ST7: variants seen among roughly 807,000 people sequenced by gnomAD.
ST7 encodes the protein suppressor of tumorigenicity 7 protein.
A neutral mutation model predicts 78.7 loss-of-function variants in ST7; 28 were observed. The ratio of observed to expected loss-of-function variants is 0.36; its 90% CI spans 0.26 to 0.49. The LOEUF (loss-of-function observed/expected upper bound fraction) is 0.49. ST7 is among the 20% of genes least tolerant of loss of function. ST7 has a pLI of 0.99. For synonymous variants in ST7, 247 were observed against 249.6 expected (o/e 0.99, Z 0.10); for missense variants, 418 against 696.0 (o/e 0.60, Z 4.49).
At chr7:117,198,041 G>C (rs1377239235) in intron 12 of ST7, among the ~76,000 whole-genome samples, 1 of 152,136 alleles carries the variant, frequency 6.6e-6, no homozygotes, top group Non-Finnish European at 1.5e-5. Flanking sequence ...GACAGAAAGA[G>C]ACTTTGTCTC....
intron 1 of ST7, among the ~76,000 whole-genome samples, chr7:117,013,991 C>A (rs1316615196): frequency 1.3e-5 from 2 of 152,106 alleles, no homozygotes; most frequent in African/African-American, 4.8e-5. Flanking sequence ...TTTATAATTT[C>A]TTTTGGAGAA....
chr7:117,177,239 T>A (rs745319791), intron 10 of ST7, among the ~76,000 whole-genome samples: 6 of 152,188 alleles, frequency 3.9e-5, no homozygotes, highest in African/African-American at 1.4e-4. Flanking sequence ...AACTATATAT[T>A]GCATTGAGCA....
intron 9 of ST7, among the ~76,000 whole-genome samples, chr7:117,150,234 A>G (rs1806144959): frequency 6.6e-6 from 1 of 152,098 alleles, no homozygotes; most frequent in African/African-American, 2.4e-5. Flanking sequence ...TCTGTGCCTC[A>G]TGCCTTCAAG....
At chr7:117,133,319 A>G (rs1193868478) in intron 6 of ST7, among the ~76,000 whole-genome samples, 1 of 151,552 alleles carries the variant, frequency 6.6e-6, no homozygotes, top group Non-Finnish European at 1.5e-5. Flanking sequence ...CCTGCCTACA[A>G]GGTCTTTCGG....
At chr7:117,133,271 T>C (rs998978774) in intron 6 of ST7, among the ~76,000 whole-genome samples, 10 of 151,974 alleles carry the variant, frequency 6.6e-5, no homozygotes, top group Admixed American at 1.3e-4. Flanking sequence ...CTCCATTCTT[T>C]GTGATTCCTC....
chr7:116,988,102 G>A (rs572985560), intron 1 of ST7, among the ~76,000 whole-genome samples: 2 of 152,286 alleles, frequency 1.3e-5, no homozygotes, highest in South Asian at 4.2e-4. Flanking sequence ...GCTAGTTCAG[G>A]AGTACTGGCT....
Position 117,121,907 on chromosome 7 carries a change from C to T in ST7, c.394+2187C>T, listed in dbSNP as rs1334434597. 5.3e-5 allele frequency among the ~76,000 whole-genome samples: 7 copies of T among 131,182 alleles called. 1 individual carries two copies. Among genetic ancestry groups the T allele is most frequent in the Admixed American group, 2.4e-4 (3 of 12,340 alleles). 86.1% of individuals were successfully genotyped at this position (131,182 alleles called of 152,430 possible). A position where few individuals can be genotyped will look rare whatever the true frequency, so the allele number is the denominator to read the frequency against. On this transcript the variant is annotated intron_variant, in intron 3 of 15. Coordinates refer to ENST00000323984, the MANE Select transcript of ST7 (RefSeq NM_001369598.1). ...TTTTATAAGAGGAGAAAGTACAGGC[C>T]TTGCATGCACTCATGCATTGATTCA...
intron 1 of ST7, among the ~76,000 whole-genome samples, chr7:117,074,996 T>G (rs1425184336): frequency 6.6e-6 from 1 of 152,236 alleles, no homozygotes; most frequent in African/African-American, 2.4e-5. Context: ...TTAGTAGTTT[T>G]GGGTGCTGTT....
chr7:117,037,042 G>C (rs188342525), intron 1 of ST7, among the ~76,000 whole-genome samples: 8 of 152,242 alleles, frequency 5.3e-5, no homozygotes, highest in Admixed American at 3.9e-4. Flanking sequence ...AGGAATGCTG[G>C]CAATACAAGT....
chr7:116,968,331 T>TTCCTTC (rs1793244829), intron 1 of ST7: 1 of 145,590 alleles, frequency 6.9e-6, no homozygotes, highest in African/African-American at 5.8e-5. Flanking sequence ...TTCCTTCCTT[T>TTCCTTC]CCTCCCTCCC....
intron 1 of ST7, among the ~76,000 whole-genome samples, chr7:117,094,967 A>T (rs1800913114): frequency 6.6e-6 from 1 of 152,204 alleles, no homozygotes; most frequent in South Asian, 2.1e-4. Context: ...ATTAAAAGGA[A>T]CACGGCACAA....
chr7:117,095,625 T>A (rs553676999), intron 1 of ST7, among the ~76,000 whole-genome samples: 1 of 152,330 alleles, frequency 6.6e-6, no homozygotes, highest in South Asian at 2.1e-4. Flanking sequence ...CCCAGTCAGG[T>A]CCGATGAAAA....
At chr7:117,059,514 CAT>C (rs1321286358) in intron 1 of ST7, among the ~76,000 whole-genome samples, 1 of 151,920 alleles carries the variant, frequency 6.6e-6, no homozygotes, top group Non-Finnish European at 1.5e-5. Context: ...GTGTATGTAA[CAT>C]ATGGAATTTC....
At chr7:117,169,040 T>G (rs1478516501) in intron 9 of ST7, among the ~76,000 whole-genome samples, 9 of 152,208 alleles carry the variant, frequency 5.9e-5, no homozygotes, top group Non-Finnish European at 1.5e-5. Context: ...AAGAACCTGG[T>G]TACCTTTCTT....
At chr7:117,032,671 T>C (rs545413848) in intron 1 of ST7, among the ~76,000 whole-genome samples, 36 of 152,334 alleles carry the variant, frequency 2.4e-4, no homozygotes, top group African/African-American at 8.2e-4. Context: ...CCATGTTTGA[T>C]AGAGATTGAA....
chr7:117,032,452 C>A (rs1235740791), intron 1 of ST7, among the ~76,000 whole-genome samples: 1 of 151,946 alleles, frequency 6.6e-6, no homozygotes, highest in Non-Finnish European at 1.5e-5. Flanking sequence ...GTTCTGTAGT[C>A]CTGTTGAGTT....
At chr7:117,156,691 A>C (rs1362460987) in intron 9 of ST7, among the ~76,000 whole-genome samples, 1 of 152,218 alleles carries the variant, frequency 6.6e-6, no homozygotes, top group Non-Finnish European at 1.5e-5. Flanking sequence ...GAGCAGCTGG[A>C]AAGGCAAGAG....
chr7:117,106,797 T>A (rs1376793596), intron 2 of ST7, among the ~76,000 whole-genome samples: 1 of 151,922 alleles, frequency 6.6e-6, no homozygotes, highest in Non-Finnish European at 1.5e-5. Context: ...ATTTTTTGTA[T>A]TTTTAGTAGA....
At chr7:117,221,806 A>G in intron 14 of ST7, 117 bp from the exon 15 acceptor site, 1 of 1,209,776 alleles carries the variant, frequency 8.3e-7, no homozygotes, top group Admixed American at 2.8e-5. Flanking sequence ...CTATTTTTTC[A>G]TTTCCCATAG....
Sources: allele counts gnomAD v4.1 joint callset (sites outside exome capture counted in the v4.1 genomes callset), GRCh38; gene constraint gnomAD v4.1.1; transcripts MANE v1.5; gene names NCBI Gene and HGNC (gene_info 2026-07-23, HGNC 2026-07-21).